Variants in URI1 observed in about 807,000 individuals in gnomAD.
URI1 encodes unconventional prefoldin RPB5 interactor 1.
A neutral mutation model predicts 60.2 loss-of-function variants in URI1; 39 were observed. That is an observed-to-expected ratio of 0.65 (90% CI 0.50 to 0.85). The LOEUF is 0.85. Ranked by LOEUF, URI1 falls within the 40% of genes least tolerant of loss-of-function variation. The pLI is 0.00. For synonymous variants in URI1, 251 were observed against 236.8 expected, an observed-to-expected ratio of 1.06 and a Z score of -0.55; for missense variants, 691 against 665.9, an observed-to-expected ratio of 1.04 and a Z score of -0.42.
chr19:30,008,858 CAT>C, intron 7 of URI1, 145 bp from the exon 8 acceptor site: 1 of 660,348 alleles, frequency 1.5e-6, no homozygotes, highest in Non-Finnish European at 2.4e-6. Flanking sequence ...TATTTCAAAA[CAT>C]TTTTTTGTTT....
At chr19:29,977,140 T>C (rs1418231744) in intron 2 of URI1, among the ~76,000 whole-genome samples, 1 of 151,968 alleles carries the variant, frequency 6.6e-6, no homozygotes, top group Non-Finnish European at 1.5e-5. Context: ...CTCTCTCTTT[T>C]TTTTTTTTCC....
chr19:29,981,841 C>T (rs2055601711), intron 2 of URI1, among the ~76,000 whole-genome samples: 1 of 151,682 alleles, frequency 6.6e-6, no homozygotes, highest in South Asian at 2.1e-4. Context: ...ACTCCTGTGT[C>T]CAAAAATTAA....
chr19:29,938,866 TG>T (rs35562511), upstream of URI1, among the ~76,000 whole-genome samples: 2 of 151,040 alleles, frequency 1.3e-5, no homozygotes, highest in Non-Finnish European at 2.9e-5. Flanking sequence ...TTAGTAGAGA[TG>T]GGGTTTCACC....
intron 1 of URI1, among the ~76,000 whole-genome samples, chr19:29,963,649 T>C (rs1321117401): frequency 4.6e-5 from 7 of 152,222 alleles, no homozygotes; most frequent in African/African-American, 1.7e-4. Flanking sequence ...TATTTTTGAC[T>C]AAATCCTGGG....
intron 1 of URI1, among the ~76,000 whole-genome samples, chr19:29,947,414 G>A (rs1486679448): frequency 1.3e-5 from 2 of 152,156 alleles, no homozygotes; most frequent in Non-Finnish European, 2.9e-5. Flanking sequence ...TTCTCATGGC[G>A]TGTTTGTGTC....
At position 29,935,700 on chromosome 19, in the gene URI1, C is replaced by CTTT. The variant is rs34820413; in HGVS notation, c.63+11958_63+11960dup. 9.1e-5 allele frequency among the ~76,000 whole-genome samples: 12 copies of CTTT among 131,866 alleles called. No individual in the cohort carries two copies. In the East Asian group the frequency reaches 2.0e-3, roughly 22 times the overall value. 86.5% of individuals were successfully genotyped at this position (131,866 alleles called of 152,430 possible). ...TGGTAGGAAATTCTTGGTTGACAGT[C>CTTT]TTTTTTTTTTTTTTCCCCAGGACTT... On this transcript the variant is annotated intron_variant, in intron 1 of 10. Coordinates refer to the URI1 transcript ENST00000360605.
chr19:29,946,497 A>G (rs924977281), intron 1 of URI1, among the ~76,000 whole-genome samples: 14 of 152,194 alleles, frequency 9.2e-5, no homozygotes, highest in African/African-American at 3.4e-4. Context: ...TTTGCAGGAT[A>G]ATAGTAAGAT....
At chr19:29,982,677 C>T (rs1199566489) in intron 2 of URI1, among the ~76,000 whole-genome samples, 3 of 152,114 alleles carry the variant, frequency 2.0e-5, no homozygotes, top group Non-Finnish European at 4.4e-5. Context: ...TTTCCAAAGC[C>T]CCTGAATGGT....
At position 29,982,769 on chromosome 19, in the gene URI1, C is replaced by A. The variant is rs184463599; in HGVS notation, c.153-2454C>A. ...TGAAATCTTGTAGGTAATAGTCTTTCTTGAAAGTTTTGGAATTGATGTTTT... is the reference window on the plus strand; with the variant it reads ...TGAAATCTTGTAGGTAATAGTCTTTATTGAAAGTTTTGGAATTGATGTTTT... On this transcript the variant is annotated intron_variant, in intron 2 of 10. Coordinates refer to ENST00000392271, the MANE Select transcript of URI1 (RefSeq NM_003796.3). Among the ~76,000 whole-genome samples the A allele has an allele frequency of 2.9e-3, 443 of 152,168 alleles. 1 individual carries two copies. Among genetic ancestry groups the A allele is most frequent in the African/African-American group, 0.01 (433 of 41,522 alleles).
intron 1 of URI1, among the ~76,000 whole-genome samples, chr19:29,945,229 T>G (rs1264908151): frequency 3.3e-5 from 5 of 152,208 alleles, no homozygotes; most frequent in Non-Finnish European, 7.3e-5. Context: ...TTACACACAG[T>G]GGGTGCCTTA....
At chr19:30,003,448 C>G (rs549539940) in intron 4 of URI1, among the ~76,000 whole-genome samples, 1 of 152,102 alleles carries the variant, frequency 6.6e-6, no homozygotes, top group East Asian at 1.9e-4. Context: ...CTTTTGAGAT[C>G]TGATTTCTTA....
chr19:29,975,500 C>CTTT (rs10717602), intron 2 of URI1, among the ~76,000 whole-genome samples: 3 of 72,352 alleles, frequency 4.1e-5, no homozygotes, highest in African/African-American at 1.0e-4. Flanking sequence ...GTTCTGTTTA[C>CTTT]TTTTTTTTTT....
At chr19:29,955,834 G>A (rs2055239053) in intron 1 of URI1, among the ~76,000 whole-genome samples, 1 of 150,612 alleles carries the variant, frequency 6.6e-6, no homozygotes, top group South Asian at 2.1e-4. Flanking sequence ...CAGGTGATGT[G>A]CCCTCCTTGG....
chr19:29,989,078 T>C (rs975543905), intron 4 of URI1, among the ~76,000 whole-genome samples: 3 of 152,178 alleles, frequency 2.0e-5, no homozygotes, highest in African/African-American at 7.2e-5. Flanking sequence ...TTGAACTCTT[T>C]TGCCCATTTT....
intron 3 of URI1, among the ~76,000 whole-genome samples, chr19:29,985,806 A>G (rs1201056909): frequency 6.6e-6 from 1 of 152,192 alleles, no homozygotes; most frequent in Non-Finnish European, 1.5e-5. Context: ...TTGTTCTTTT[A>G]TACTAGTCCA....
Position 29,933,940 on chromosome 19 carries a change from C to CTTTTTTTTTTTTTTTTTTT in URI1, c.63+10199_63+10200insTTTTTTTTTTTTTTTTTTT, listed in dbSNP as rs34942474. On this transcript the variant is annotated intron_variant, in intron 1 of 10. Transcript: ENST00000360605. ...TCCTTCTTTCTTTTTCTTTTCTTCC[C>CTTTTTTTTTTTTTTTTTTT]TTTTTTTTTTTTTGAGATGAAGTCT... 2.5e-4 allele frequency among the ~76,000 whole-genome samples: 31 copies of CTTTTTTTTTTTTTTTTTTT among 124,690 alleles called. 3 individuals carry two copies. The highest frequency in any genetic ancestry group is 6.7e-4 in the African/African-American group (20 of 29,948). 81.8% of individuals were successfully genotyped at this position (124,690 alleles called of 152,430 possible). A position where few individuals can be genotyped will look rare whatever the true frequency, so the allele number is the denominator to read the frequency against.
At chr19:29,943,141 C>G (rs2055054333) in intron 1 of URI1, among the ~76,000 whole-genome samples, 1 of 152,050 alleles carries the variant, frequency 6.6e-6, no homozygotes, top group Non-Finnish European at 1.5e-5. Flanking sequence ...AAGAGAGTCT[C>G]ACTATGTTGC....
At chr19:29,940,378 G>T (rs2145214706), upstream of URI1, among the ~76,000 whole-genome samples, 1 of 152,330 alleles carries the variant, frequency 6.6e-6, no homozygotes, top group East Asian at 1.9e-4. Context: ...GAGAGGCGTG[G>T]TGGCTCTTGC....
intron 4 of URI1, among the ~76,000 whole-genome samples, chr19:30,002,703 A>G (rs1392240975): frequency 6.6e-6 from 1 of 151,834 alleles, no homozygotes; most frequent in Non-Finnish European, 1.5e-5. Flanking sequence ...GGTGGGGGGA[A>G]GTATCTGTGG....
Sources: gnomAD v4.1 joint callset for allele counts (sites outside exome capture counted in the v4.1 genomes callset) on GRCh38, gnomAD v4.1.1 for gene constraint, MANE v1.5 for transcripts, NCBI Gene and HGNC (gene_info 2026-07-23, HGNC 2026-07-21) for gene names.